The following SCN9A variants were observed in gnomAD, a reference collection of about 807,000 sequenced individuals.
SCN9A encodes the protein sodium voltage-gated channel alpha subunit 9, also known as sodium channel protein type 9 subunit alpha.
A neutral mutation model predicts 187.0 loss-of-function variants in SCN9A; 131 were observed. That is an observed-to-expected ratio of 0.70 (90% CI 0.61 to 0.81). SCN9A has a LOEUF of 0.81. Among genes scored for constraint, SCN9A ranks in the 30% least tolerant of loss-of-function variants. The pLI, the probability that SCN9A is intolerant of heterozygous loss-of-function variation, is 0.00. For synonymous variants in SCN9A, 809 were observed against 808.6 expected (o/e 1.00, Z -0.01); for missense variants, 2,252 against 2,396.6 (o/e 0.94, Z 1.26).
intron 1 of SCN9A, among the ~76,000 whole-genome samples, chr2:166,346,897 CA>C (rs1699914063): frequency 6.6e-6 from 1 of 152,106 alleles, no homozygotes; most frequent in African/African-American, 2.4e-5. Context: ...GACATTTGCA[CA>C]ATAGTTTTGA....
intron 18 of SCN9A, among the ~76,000 whole-genome samples, chr2:166,247,737 G>T (rs911429236): frequency 6.6e-6 from 1 of 152,050 alleles, no homozygotes; most frequent in South Asian, 2.1e-4. Flanking sequence ...GGATGGTCTC[G>T]ATCTCTTGAC....
At chr2:166,204,490 G>T in intron 24 of SCN9A, 26 bp from the exon 25 acceptor site, 1 of 1,432,250 alleles carries the variant, frequency 7.0e-7, no homozygotes, top group Non-Finnish European at 9.6e-7. Context: ...AAAAATAAAT[G>T]TAGTTAAAAC....
chr2:166,261,110 C>T (rs543943930), intron 17 of SCN9A, among the ~76,000 whole-genome samples: 11 of 151,926 alleles, frequency 7.2e-5, no homozygotes, highest in African/African-American at 2.7e-4. Flanking sequence ...AACTGCATCT[C>T]TTAAAATAGA....
At chr2:166,337,807 G>A (rs978856887) in intron 1 of SCN9A, among the ~76,000 whole-genome samples, 4 of 151,912 alleles carry the variant, frequency 2.6e-5, no homozygotes, top group African/African-American at 9.7e-5. Context: ...TTTACTCATC[G>A]GTAAAATGAG....
At chr2:166,263,692 T>G (rs1199147631) in intron 17 of SCN9A, among the ~76,000 whole-genome samples, 2 of 152,014 alleles carry the variant, frequency 1.3e-5, no homozygotes, top group Admixed American at 1.3e-4. Context: ...TGATCTTATT[T>G]GGAAATATGG....
Position 166,238,218 on chromosome 2 carries a change from A to G in SCN9A, c.3677T>C (p.Leu1226Pro). 3 of 1,601,262 alleles carry G rather than the reference A, an allele frequency of 1.9e-6. No individual in the cohort carries two copies. Among genetic ancestry groups the G allele is most frequent in the Non-Finnish European group, 2.6e-6 (3 of 1,173,078 alleles). The stretch of plus-strand genomic sequence containing the variant: ...AGTGAAGATCTTGTCTGCATACTCC[A>G]GGATAATCTTAATGGTCTTTTTCCT... ...IERKKTIKIILEYADKIFTYI... is the reference protein window; with the variant it reads ...IERKKTIKIIPEYADKIFTYI... The change falls in exon 20 of 27, where the codon CTG becomes CCG. Residue 1226 changes from leucine to proline, a missense_variant. Leu to Pro is a moderately conservative substitution (Grantham distance 98). Around this residue, in one of 7 missense-constraint regions of SCN9A, gnomAD observed 313 missense variants for 295.3 expected, o/e 1.06. Coordinates refer to ENST00000642356, the MANE Select transcript of SCN9A (RefSeq NM_001365536.1).
intron 16 of SCN9A, 149 bp from the exon 17 acceptor site, chr2:166,273,024 A>C: frequency 2.3e-6 from 1 of 439,968 alleles, no homozygotes; most frequent in Non-Finnish European, 4.0e-6. Context: ...ATAAGACCAC[A>C]TGAGAGAGAC....
chr2:166,359,059 T>C (rs1194978977), intron 1 of SCN9A, among the ~76,000 whole-genome samples: 3 of 152,202 alleles, frequency 2.0e-5, no homozygotes, highest in Non-Finnish European at 4.4e-5. Flanking sequence ...AATTCTCATA[T>C]GTAACTATGT....
intron 9 of SCN9A, among the ~76,000 whole-genome samples, chr2:166,291,384 C>G (rs893038418): frequency 6.6e-6 from 1 of 152,062 alleles, no homozygotes; most frequent in Admixed American, 6.5e-5. Context: ...TATGAAAGAC[C>G]TCTTCAAGAA....
chr2:166,231,645 G>A (rs149402134), intron 21 of SCN9A, among the ~76,000 whole-genome samples: 4,465 of 142,534 alleles, frequency 0.031, 467 homozygotes, highest in Admixed American at 0.22. Context: ...TCTGCCTCCC[G>A]GGTTCAAGCG....
chr2:166,286,166 G>A (rs534401191), intron 11 of SCN9A, among the ~76,000 whole-genome samples, 170 bp downstream of exon 11: 2 of 152,182 alleles, frequency 1.3e-5, no homozygotes, highest in Admixed American at 6.5e-5. Flanking sequence ...GAACCCAAAT[G>A]GAAACCTGTG....
chr2:166,207,218 A>G (rs981915868), intron 24 of SCN9A, among the ~76,000 whole-genome samples: 3 of 152,176 alleles, frequency 2.0e-5, no homozygotes, highest in Non-Finnish European at 2.9e-5. Context: ...TAGTTCTGAG[A>G]TCATTACTTA....
intron 2 of SCN9A, among the ~76,000 whole-genome samples, chr2:166,309,475 A>G (rs1698871059): frequency 2.0e-5 from 3 of 152,218 alleles, no homozygotes; most frequent in Non-Finnish European, 4.4e-5. Flanking sequence ...ACTATGTTAT[A>G]CTAAACATTA....
At chr2:166,282,706 A>T (rs1201995543) in intron 12 of SCN9A, among the ~76,000 whole-genome samples, 1 of 152,134 alleles carries the variant, frequency 6.6e-6, no homozygotes, top group Non-Finnish European at 1.5e-5. Flanking sequence ...ATAGTTGTAT[A>T]GGTATAGTCA....
intron 1 of SCN9A, among the ~76,000 whole-genome samples, chr2:166,332,915 A>T (rs1188048815): frequency 6.6e-6 from 1 of 151,392 alleles, no homozygotes; most frequent in Non-Finnish European, 1.5e-5. Context: ...AACTTTCAAT[A>T]CTCTAAAATA....
intron 26 of SCN9A, 111 bp from the exon 27 acceptor site, chr2:166,199,975 G>GTTTTTTTTTTTTTTTTTTTTTTTTT (rs764524434): frequency 1.3e-5 from 1 of 79,332 alleles, no homozygotes; most frequent in African/African-American, 9.4e-5. Context: ...ATTCAAGACA[G>GTTTTTTTTTTTTTTTTTTTTTTTTT]TTTTTTTTTT....
At chr2:166,317,559 T>TA (rs1173856168) in intron 1 of SCN9A, among the ~76,000 whole-genome samples, 1 of 152,220 alleles carries the variant, frequency 6.6e-6, no homozygotes, top group Admixed American at 6.5e-5. Flanking sequence ...GAAATATTTA[T>TA]TCTGAACTCT....
chr2:166,334,859 G>A (rs779840641), intron 1 of SCN9A, among the ~76,000 whole-genome samples: 2 of 152,138 alleles, frequency 1.3e-5, no homozygotes, highest in Admixed American at 6.6e-5. Context: ...GATATACAAA[G>A]TGGAAGACAA....
In SCN9A at chr2:166,252,043, A is replaced by G. The variant is rs1696066999; in HGVS notation, c.3352-158T>C. On this transcript the variant is annotated intron_variant, in intron 17 of 26. Transcript: ENST00000642356. ...AATGTATAAACACATATTGAGGTCAAGTAACCTTAAATGTATCTATACTTG... is the reference window on the plus strand; with the variant it reads ...AATGTATAAACACATATTGAGGTCAGGTAACCTTAAATGTATCTATACTTG... The G allele has an allele frequency of 4.3e-6, 3 of 703,304 alleles. No individual in the cohort carries two copies. The South Asian group carries it at 5.8e-5, about 14-fold the overall frequency. The allele number at this position is 703,304 out of a possible 1,614,324, so 43.6% of individuals were successfully genotyped here.
Sources: allele counts gnomAD v4.1 joint callset (sites outside exome capture counted in the v4.1 genomes callset), GRCh38; gene constraint gnomAD v4.1.1; regional missense constraint gnomAD v4.1.1; transcripts MANE v1.5; gene names NCBI Gene and HGNC (gene_info 2026-07-23, HGNC 2026-07-21).